Variants in RHOT1 observed in about 807,000 individuals in gnomAD.
RHOT1 encodes the protein ras homolog family member T1, also known as mitochondrial Rho GTPase 1.
Under a neutral mutation model 95.3 loss-of-function variants are expected in RHOT1, and 27 were observed. The ratio of observed to expected loss-of-function variants is 0.28; its 90% CI spans 0.21 to 0.39. RHOT1 has a LOEUF of 0.39. Among genes scored for constraint, RHOT1 ranks in the 10% least tolerant of loss-of-function variants. RHOT1 has a pLI of 1.00. For missense variants in RHOT1, 578 were observed against 786.7 expected (o/e 0.73, Z 3.17); for synonymous variants, 227 against 263.5 (o/e 0.86, Z 1.34).
chr17:32,206,537 C>T (rs1280592291), intron 16 of RHOT1, among the ~76,000 whole-genome samples: 6 of 138,910 alleles, frequency 4.3e-5, no homozygotes, highest in East Asian at 4.3e-4. Context: ...CTGCGAGCTC[C>T]GCCTCCCGGG....
In RHOT1 at chr17:32,150,691, T is replaced by G. The variant is rs1598282950; in HGVS notation, c.37+7962T>G. 2.5e-6 allele frequency: 4 copies of G among 1,600,504 alleles called. No homozygotes were observed. The East Asian group carries it at 8.9e-5, about 36-fold the overall frequency. ...AGGAAGATTATACAGTTCTATGATTTGGGATATGTCATAGGCATCAGAGTA... is the reference window on the plus strand; with the variant it reads ...AGGAAGATTATACAGTTCTATGATTGGGGATATGTCATAGGCATCAGAGTA... On this transcript the variant is annotated intron_variant, in intron 1 of 19. Transcript: ENST00000545287.
intron 6 of RHOT1, among the ~76,000 whole-genome samples, chr17:32,177,723 C>T (rs1015508957): frequency 6.8e-6 from 1 of 146,250 alleles, no homozygotes; most frequent in African/African-American, 2.5e-5. Flanking sequence ...CCACTGCACT[C>T]CAGCCTGGGC....
chr17:32,202,718 T>G, intron 14 of RHOT1, 52 bp from the exon 15 acceptor site: 1 of 1,365,846 alleles, frequency 7.3e-7, no homozygotes, highest in South Asian at 1.3e-5. Context: ...GGAGGCTTAG[T>G]GAATCTAAGT....
At chr17:32,203,031 T>C in intron 15 of RHOT1, 131 bp downstream of exon 15, 1 of 824,070 alleles carries the variant, frequency 1.2e-6, no homozygotes, top group Non-Finnish European at 1.9e-6. Flanking sequence ...TCAAGTACAG[T>C]CTAAATGTAA....
intron 8 of RHOT1, among the ~76,000 whole-genome samples, chr17:32,183,780 G>T (rs2035824320): frequency 6.6e-6 from 1 of 152,212 alleles, no homozygotes; most frequent in Non-Finnish European, 1.5e-5. Context: ...CAGCTCCGGG[G>T]TTCAAGTGAT....
At position 32,209,585 on chromosome 17, in the gene RHOT1, A is replaced by G. The variant is rs898378355; in HGVS notation, c.1739+1276A>G. 36 of 559,972 alleles carry G rather than the reference A, an allele frequency of 6.4e-5. No individual in the cohort carries two copies. The East Asian group carries it at 8.6e-4, about 13-fold the overall frequency. The allele number at this position is 559,972 out of a possible 1,614,324, so 34.7% of individuals were successfully genotyped here. A position where few individuals can be genotyped will look rare whatever the true frequency, so the allele number is the denominator to read the frequency against. On this transcript the variant is annotated intron_variant, in intron 18 of 19. Coordinates refer to ENST00000545287, the MANE Select transcript of RHOT1 (RefSeq NM_001033566.3). ...GCTTGGTCAGGCTTCCTGCCTAGCT[A>G]TATATTACGTTGTCTTCCTTACTAC...
At chr17:32,203,269 C>CTTCTTTTTTTT (rs1485362280) in intron 15 of RHOT1, among the ~76,000 whole-genome samples, 4 of 72,328 alleles carry the variant, frequency 5.5e-5, no homozygotes, top group African/African-American at 1.8e-4. Flanking sequence ...TCTTCTTCTT[C>CTTCTTTTTTTT]TTTTTTTTTT....
intron 1 of RHOT1, among the ~76,000 whole-genome samples, chr17:32,164,171 AG>A (rs1444896872): frequency 6.6e-6 from 1 of 152,222 alleles, no homozygotes; most frequent in African/African-American, 2.4e-5. Context: ...TATTTATCAA[AG>A]GATGAAAGAA....
intron 8 of RHOT1, among the ~76,000 whole-genome samples, chr17:32,184,661 TTTTTAC>T (rs1007968870): frequency 5.3e-5 from 8 of 151,858 alleles, no homozygotes; most frequent in African/African-American, 1.9e-4. Flanking sequence ...CAGCTGATTT[TTTTTAC>T]TTTTATTTTT....
intron 1 of RHOT1, among the ~76,000 whole-genome samples, chr17:32,158,177 T>G (rs2033157349): frequency 6.6e-6 from 1 of 152,102 alleles, no homozygotes; most frequent in Non-Finnish European, 1.5e-5. Context: ...TTAATATATT[T>G]TCCATATTAT....
chr17:32,181,347 G>A (rs1038853809), intron 6 of RHOT1, among the ~76,000 whole-genome samples: 1 of 152,144 alleles, frequency 6.6e-6, no homozygotes, highest in African/African-American at 2.4e-5. Context: ...TATCTTCTGA[G>A]ATCTACCCAT....
intron 19 of RHOT1, chr17:32,223,046 T>G (rs2038926766): frequency 1.1e-5 from 2 of 182,860 alleles, no homozygotes; most frequent in Non-Finnish European, 2.1e-5. Flanking sequence ...GATATCACTT[T>G]GCTTTGTAAG....
At chr17:32,154,616 G>A (rs2032738954) in intron 1 of RHOT1, among the ~76,000 whole-genome samples, 1 of 150,696 alleles carries the variant, frequency 6.6e-6, no homozygotes, top group South Asian at 2.1e-4. Flanking sequence ...AAATTGACCG[G>A]GTGCAGTGGC....
chr17:32,195,404 A>G (rs2036804630), intron 11 of RHOT1, among the ~76,000 whole-genome samples: 1 of 152,092 alleles, frequency 6.6e-6, no homozygotes, highest in Non-Finnish European at 1.5e-5. Flanking sequence ...ATGAGCCACC[A>G]TGACTGGCCA....
chr17:32,209,692 A>T (rs2142901252), intron 18 of RHOT1: 1 of 347,288 alleles, frequency 2.9e-6, no homozygotes, highest in East Asian at 5.8e-5. Flanking sequence ...TTTTACTGTA[A>T]TTCTGTTGTG....
chr17:32,165,220 C>T (rs1168433862), intron 1 of RHOT1, among the ~76,000 whole-genome samples: 1 of 151,526 alleles, frequency 6.6e-6, no homozygotes, highest in Non-Finnish European at 1.5e-5. Context: ...GCCTGTAGTC[C>T]CAGCTACTTG....
At chr17:32,204,860 G>A (rs1280832157) in intron 16 of RHOT1, among the ~76,000 whole-genome samples, 2 of 151,864 alleles carry the variant, frequency 1.3e-5, no homozygotes, top group South Asian at 2.1e-4. Flanking sequence ...GCACGTGCCT[G>A]TAATCCCAGG....
At chr17:32,205,140 T>C (rs1214871127) in intron 16 of RHOT1, among the ~76,000 whole-genome samples, 1 of 151,862 alleles carries the variant, frequency 6.6e-6, no homozygotes, top group African/African-American at 2.4e-5. Flanking sequence ...ATGCATTAGG[T>C]ATTTGTCCTA....
At chr17:32,162,427 C>G (rs993337133) in intron 1 of RHOT1, among the ~76,000 whole-genome samples, 3 of 151,984 alleles carry the variant, frequency 2.0e-5, no homozygotes, top group Admixed American at 6.6e-5. Flanking sequence ...TATTTTTTAC[C>G]AAAAACAAAT....
Sources: gnomAD v4.1 joint callset for allele counts (sites outside exome capture counted in the v4.1 genomes callset) on GRCh38, gnomAD v4.1.1 for gene constraint, MANE v1.5 for transcripts, NCBI Gene and HGNC (gene_info 2026-07-23, HGNC 2026-07-21) for gene names.